SLC66A3: variants seen among roughly 807,000 people sequenced by gnomAD.
The protein encoded by SLC66A3 is solute carrier family 66 member 3.
SLC66A3 carries 23 observed loss-of-function variants against 25.5 expected under a neutral mutation model. The ratio of observed to expected loss-of-function variants is 0.90; its 90% CI spans 0.65 to 1.28. The LOEUF (loss-of-function observed/expected upper bound fraction) is 1.28. Ranked by LOEUF, SLC66A3 falls within the 50% of genes most tolerant of loss-of-function variation. SLC66A3 has a pLI of 0.00. For missense variants in SLC66A3, 246 were observed against 262.1 expected, an observed-to-expected ratio of 0.94 and a Z score of 0.42; for synonymous variants, 108 against 112.6, an observed-to-expected ratio of 0.96 and a Z score of 0.26.
chr2:11,177,617 C>CA lies in SLC66A3; in HGVS notation c.518-116dup. 5 of 626,646 alleles carry CA rather than the reference C, an allele frequency of 8.0e-6. No individual in the cohort carries two copies. The South Asian group carries it at 1.1e-4, about 14-fold the overall frequency. The allele number at this position is 626,646 out of a possible 1,614,324, so 38.8% of individuals were successfully genotyped here. A position where few individuals can be genotyped will look rare whatever the true frequency, so the allele number is the denominator to read the frequency against. On this transcript the variant is annotated intron_variant, in intron 6 of 6. Transcript: ENST00000295083. ...TCATTTCCCCAGAAATAACTGGAAC[C>CA]AAAATTGTTCATTTCGGAGGTTGGG...
At position 11,155,703 on chromosome 2, in the gene SLC66A3, C is replaced by T. The variant is rs2147977464; in HGVS notation, c.143+14C>T. ...GGAGCTGGCAGGGTAAGGCCCGGGG[C>T]GGCCGGGGCTGCCTCCTGCCCCCTC... On this transcript the variant is annotated intron_variant, in intron 1 of 6. Transcript: ENST00000295083. 4 of 1,389,198 alleles carry T rather than the reference C, an allele frequency of 2.9e-6. No homozygotes were observed. The highest frequency in any genetic ancestry group is 2.8e-6 in the Non-Finnish European group (3 of 1,074,082). 86.1% of individuals were successfully genotyped at this position (1,389,198 alleles called of 1,614,324 possible).
chr2:11,171,607 C>T (rs960339747), intron 4 of SLC66A3, among the ~76,000 whole-genome samples: 1 of 151,856 alleles, frequency 6.6e-6, no homozygotes, highest in East Asian at 2.0e-4. Flanking sequence ...CTCACTCTGT[C>T]ACCCAGGCTG....
chr2:11,156,609 G>T (rs1661912071), intron 1 of SLC66A3, among the ~76,000 whole-genome samples: 1 of 152,136 alleles, frequency 6.6e-6, no homozygotes, highest in South Asian at 2.1e-4. Flanking sequence ...TCAGGTGTGG[G>T]AGGGTGAGGG....
rs181765591 is a variant in SLC66A3, at chr2:11,158,594, G to A, written c.144-1872G>A. ...GGAGAATGGCGTGAACCCGGGAGGC[G>A]GAGCTTGCAGTGAGCCGAGATCGTG... On this transcript the variant is annotated intron_variant, in intron 1 of 6. Coordinates refer to ENST00000295083, the MANE Select transcript of SLC66A3 (RefSeq NM_152391.5). Among the ~76,000 whole-genome samples the A allele has an allele frequency of 8.1e-3, 1,234 of 152,286 alleles. 10 individuals are homozygous for A. The highest frequency in any genetic ancestry group is 0.034 in the Middle Eastern group (10 of 294).
At chr2:11,170,108 A>C (rs1390226021) in intron 4 of SLC66A3, among the ~76,000 whole-genome samples, 1 of 152,136 alleles carries the variant, frequency 6.6e-6, no homozygotes, top group Non-Finnish European at 1.5e-5. Context: ...AAGTAGTGGG[A>C]TTACGGCGTC....
chr2:11,177,077 T>G (rs1662780730), intron 6 of SLC66A3, among the ~76,000 whole-genome samples: 1 of 152,128 alleles, frequency 6.6e-6, no homozygotes, highest in Non-Finnish European at 1.5e-5. Context: ...CTTAACAGAG[T>G]ATGTTAAACC....
chr2:11,165,181 G>C (rs1283731228), intron 4 of SLC66A3, among the ~76,000 whole-genome samples: 2 of 151,452 alleles, frequency 1.3e-5, no homozygotes, highest in African/African-American at 4.9e-5. Flanking sequence ...CCTCCCTCCT[G>C]GACAGGGCGG....
At chr2:11,163,774 G>T (rs1662208075) in intron 3 of SLC66A3, among the ~76,000 whole-genome samples, 2 of 152,218 alleles carry the variant, frequency 1.3e-5, no homozygotes, top group Admixed American at 1.3e-4. Flanking sequence ...GAGTTTGTGG[G>T]GAAAGGTGGA....
At chr2:11,170,438 C>A (rs185142525) in intron 4 of SLC66A3, among the ~76,000 whole-genome samples, 44 of 152,274 alleles carry the variant, frequency 2.9e-4, no homozygotes, top group Middle Eastern at 3.4e-3. Flanking sequence ...GATCTCTTAC[C>A]TCACTGTATA....
intron 4 of SLC66A3, among the ~76,000 whole-genome samples, chr2:11,165,918 A>C (rs1662324691): frequency 6.6e-6 from 1 of 152,198 alleles, no homozygotes; most frequent in Admixed American, 6.5e-5. Context: ...CGGCAGGCTG[A>C]GGCAGGAGAA....
chr2:11,160,658 A>G lies in SLC66A3; in HGVS notation c.260A>G (p.Asn87Ser). ...CTCCTGCTCTGTATCTTTCATTTTAACGGGAACGTGAAGCAGGCCACTCCT... is the reference window on the plus strand; with the variant it reads ...CTCCTGCTCTGTATCTTTCATTTTAGCGGGAACGTGAAGCAGGCCACTCCT... ...VILLLCIFHFNGNVKQATPYI... is the reference protein window; with the variant it reads ...VILLLCIFHFSGNVKQATPYI... The change falls in exon 3 of 7, where the codon AAC (asparagine) becomes AGC (serine). Residue 87 changes from asparagine to serine, a missense_variant. This residue lies in a region of SLC66A3 where 142 missense variants were observed against 130.3 expected (regional missense o/e 1.09). Transcript: ENST00000295083. 2 of 1,614,044 alleles carry G rather than the reference A, an allele frequency of 1.2e-6. No individual in the cohort carries two copies. Among genetic ancestry groups the G allele is most frequent in the Non-Finnish European group, 1.7e-6 (2 of 1,180,012 alleles).
intron 4 of SLC66A3, among the ~76,000 whole-genome samples, chr2:11,164,662 TTCCTAGGCAGAGGACCCTGCGGCC>T (rs752646277): frequency 4.6e-4 from 69 of 151,500 alleles, no homozygotes; most frequent in Admixed American, 2.1e-3. Context: ...GTCTCTGGTT[TTCCTAGGCAGAGGACCCTGCGGCC>T]TTCCGCAGTG....
In SLC66A3 at chr2:11,155,710, G is replaced by GGCTGCCTCCTGCCCCCTCGCA. The variant is rs567827398; in HGVS notation, c.143+27_143+47dup. The GGCTGCCTCCTGCCCCCTCGCA allele has an allele frequency of 1.2e-4, 170 of 1,374,984 alleles. 2 individuals carry two copies. In the South Asian group the frequency reaches 2.5e-3, roughly 20 times the overall value. The allele number at this position is 1,374,984 out of a possible 1,614,324, so 85.2% of individuals were successfully genotyped here. A position where few individuals can be genotyped will look rare whatever the true frequency, so the allele number is the denominator to read the frequency against. ...GCAGGGTAAGGCCCGGGGCGGCCGGGGCTGCCTCCTGCCCCCTCGCAGCTG... is the reference window on the plus strand; with the variant it reads ...GCAGGGTAAGGCCCGGGGCGGCCGGGGCTGCCTCCTGCCCCCTCGCAGCTGCCTCCTGCCCCCTCGCAGCTG... On this transcript the variant is annotated intron_variant, in intron 1 of 6. Coordinates refer to ENST00000295083, the MANE Select transcript of SLC66A3 (RefSeq NM_152391.5).
At chr2:11,166,693 C>T (rs114484596) in intron 4 of SLC66A3, among the ~76,000 whole-genome samples, 6,284 of 152,202 alleles carry the variant, frequency 0.041, 266 homozygotes, top group Non-Finnish European at 0.059. Context: ...GAGTTGGAGG[C>T]CAGCCTGGCC....
Position 11,164,186 on chromosome 2 carries a change from C to T in SLC66A3, c.297-18C>T. 6.5e-7 allele frequency: 1 copy of T among 1,549,528 alleles called. No individual in the cohort carries two copies. The highest frequency in any genetic ancestry group is 1.2e-5 in the South Asian group (1 of 84,296). ...GGATGTGGGTGACCCACTGCTGTGT[C>T]CCTTAGCACTTGGTAAGATTGGTGT... On this transcript the variant is annotated intron_variant, in intron 3 of 6. Transcript: ENST00000295083.
At chr2:11,161,152 C>T (rs1172300090) in intron 3 of SLC66A3, among the ~76,000 whole-genome samples, 1 of 152,194 alleles carries the variant, frequency 6.6e-6, no homozygotes, top group Non-Finnish European at 1.5e-5. Context: ...AGCTCAGAGA[C>T]CTGTTCCTGC....
intron 6 of SLC66A3, among the ~76,000 whole-genome samples, chr2:11,175,281 C>T (rs1204066213): frequency 6.6e-6 from 1 of 152,182 alleles, no homozygotes; most frequent in Admixed American, 6.5e-5. Flanking sequence ...ATGAGGTAAT[C>T]ACACAATTCC....
At chr2:11,156,494 G>T (rs906771022) in intron 1 of SLC66A3, among the ~76,000 whole-genome samples, 1 of 152,284 alleles carries the variant, frequency 6.6e-6, no homozygotes. Context: ...ACCCAGTGGG[G>T]TCTGAAGCCT....
At position 11,155,519 on chromosome 2, in the gene SLC66A3, C is replaced by T; in HGVS notation, c.-28C>T. 2 of 1,478,358 alleles carry T rather than the reference C, an allele frequency of 1.4e-6. No homozygotes were observed. The highest frequency in any genetic ancestry group is 2.9e-5 in the African/African-American group (2 of 68,190). 91.6% of individuals were successfully genotyped at this position (1,478,358 alleles called of 1,614,324 possible). A position where few individuals can be genotyped will look rare whatever the true frequency, so the allele number is the denominator to read the frequency against. On this transcript the variant is annotated 5_prime_UTR_variant, in exon 1 of 7. Transcript: ENST00000295083. Reference sequence around the variant, plus strand: ...GCTGAGCGGTCCCTTCTCGCTGCGGCCGCCCAGGTGCCCGCGCCCGTGGCG... The same window carrying T: ...GCTGAGCGGTCCCTTCTCGCTGCGGTCGCCCAGGTGCCCGCGCCCGTGGCG...
Sources: gnomAD v4.1 joint callset for allele counts (sites outside exome capture counted in the v4.1 genomes callset) on GRCh38, gnomAD v4.1.1 for gene constraint, gnomAD v4.1.1 regional missense constraint, MANE v1.5 for transcripts, NCBI Gene and HGNC (gene_info 2026-07-23, HGNC 2026-07-21) for gene names.